BST1: variants seen among roughly 807,000 people sequenced by gnomAD.
The protein encoded by BST1 is ADP-ribosyl cyclase/cyclic ADP-ribose hydrolase 2.
Under a neutral mutation model 40.6 loss-of-function variants are expected in BST1, and 49 were observed. The observed-to-expected ratio is 1.21, with a 90% CI of 0.96 to 1.53. The LOEUF is 1.53. BST1 is among the 40% of genes most tolerant of loss of function. BST1 has a pLI of 0.00. For missense variants in BST1, 423 were observed against 395.9 expected (o/e 1.07, Z -0.58); for synonymous variants, 157 against 159.3 (o/e 0.99, Z 0.11).
chr4:15,741,534 T>C (rs1191403439), downstream of BST1, among the ~76,000 whole-genome samples: 1 of 152,208 alleles, frequency 6.6e-6, no homozygotes, highest in Non-Finnish European at 1.5e-5. Context: ...GGGAAACCTC[T>C]AATTCACAGC....
the BST1 span, among the ~76,000 whole-genome samples, chr4:15,759,700 A>G: frequency 2.3e-5 from 3 of 129,720 alleles, no homozygotes; most frequent in African/African-American, 9.2e-5. Flanking sequence ...TGTTTCTGTA[A>G]CAGGGGGTGT....
chr4:15,752,420 C>G, the BST1 span, among the ~76,000 whole-genome samples: 1 of 150,806 alleles, frequency 6.6e-6, no homozygotes, highest in Non-Finnish European at 1.5e-5. Flanking sequence ...CAGAGTTTCG[C>G]TCTTATTGCC....
In BST1 at chr4:15,718,244, A is replaced by AGTGTGT. The variant is rs35788103; in HGVS notation, c.705-642_705-637dup. Among the ~76,000 whole-genome samples, 826 of 149,042 alleles carry AGTGTGT rather than the reference A, an allele frequency of 5.5e-3. 4 individuals carry two copies. The highest frequency in any genetic ancestry group is 0.036 in the South Asian group (167 of 4,668). On this transcript the variant is annotated intron_variant, in intron 6 of 8. Transcript: ENST00000265016. ...CTGGAGCTAAAAATAATGGCAGAGA[A>AGTGTGT]GTGTGTGTGTGTGTGTGTGTGTGTG...
chr4:15,723,491 G>A (rs181987745), intron 8 of BST1: 5 of 903,414 alleles, frequency 5.5e-6, no homozygotes, highest in South Asian at 5.1e-5. Flanking sequence ...CTTGTGATCC[G>A]CCTTCCTTGG....
chr4:15,706,366 C>T (rs1231493206), intron 2 of BST1, among the ~76,000 whole-genome samples: 2 of 152,190 alleles, frequency 1.3e-5, no homozygotes, highest in African/African-American at 4.8e-5. Flanking sequence ...ATGGCCTGAA[C>T]CTTGAGTAAT....
At chr4:15,725,943 C>T (rs1215953355) in intron 8 of BST1, among the ~76,000 whole-genome samples, 3 of 123,594 alleles carry the variant, frequency 2.4e-5, no homozygotes, top group Admixed American at 9.5e-5. Context: ...TTGTGAAGTG[C>T]GGTCTTTTTT....
chr4:15,711,733 A>G, intron 3 of BST1, 74 bp from the exon 4 acceptor site: 1 of 1,172,990 alleles, frequency 8.5e-7, no homozygotes, highest in South Asian at 1.2e-5. Context: ...TGGAACTGGG[A>G]TATATTGTAA....
the BST1 span, among the ~76,000 whole-genome samples, chr4:15,755,695 T>G: frequency 3.9e-5 from 6 of 152,174 alleles, no homozygotes; most frequent in East Asian, 1.2e-3. Context: ...CTTCAGTCAA[T>G]GTAGAGTGGT....
the BST1 span, among the ~76,000 whole-genome samples, chr4:15,744,084 T>A: frequency 3.9e-5 from 6 of 152,222 alleles, no homozygotes; most frequent in African/African-American, 1.4e-4. Flanking sequence ...CTTCACCTTC[T>A]GGGCCTCTGT....
intron 3 of BST1, among the ~76,000 whole-genome samples, chr4:15,708,267 A>T (rs1006236503): frequency 6.6e-6 from 1 of 152,158 alleles, no homozygotes. Context: ...TCCAAGTCAC[A>T]AGGAAAGTTA....
At chr4:15,736,804 G>A (rs893205371), downstream of BST1, among the ~76,000 whole-genome samples, 2 of 152,056 alleles carry the variant, frequency 1.3e-5, no homozygotes, top group Non-Finnish European at 2.9e-5. Flanking sequence ...AGATCCATTT[G>A]TTTTTATGTC....
chr4:15,763,334 TA>T, the BST1 span, among the ~76,000 whole-genome samples: 9 of 151,814 alleles, frequency 5.9e-5, 1 homozygote, highest in African/African-American at 2.2e-4. Context: ...AATGTGGAGT[TA>T]AAATCTTAGG....
At chr4:15,710,526 G>A (rs891114579) in intron 3 of BST1, among the ~76,000 whole-genome samples, 6 of 152,044 alleles carry the variant, frequency 3.9e-5, no homozygotes, top group Admixed American at 3.9e-4. Flanking sequence ...TACAGCCCCA[G>A]TACTTATTCC....
At chr4:15,737,850 T>C (rs1179319350) in exon 7 of BST1, 15 of 1,277,738 alleles carry the variant, frequency 1.2e-5, no homozygotes, top group Admixed American at 2.3e-5. Flanking sequence ...TGTAAATGCC[T>C]TCCACTCCCA....
Position 15,715,718 on chromosome 4 carries a change from A to G in BST1, c.623A>G (p.Asp208Gly), listed in dbSNP as rs769371522. ...GAAATGTTTCTCAGTTTTTTTGCAG[A>G]TTATGAAATTCCAAACCTCCAGAAG... ...GAYPIKGFFA[D>G]YEIPNLQKEK... is the part of the protein sequence containing the mutation. Residue 208 changes from aspartate (D) to glycine (G), a missense_variant, in exon 6 of 9, where the codon GAT becomes GGT. Coordinates refer to ENST00000265016, the MANE Select transcript of BST1 (RefSeq NM_004334.3). 6.3e-7 allele frequency: 1 copy of G among 1,595,674 alleles called. No individual in the cohort carries two copies. The highest frequency in any genetic ancestry group is 2.2e-5 in the East Asian group (1 of 44,458).
chr4:15,717,167 T>C (rs1284731851), intron 6 of BST1, among the ~76,000 whole-genome samples: 2 of 152,218 alleles, frequency 1.3e-5, no homozygotes, highest in Non-Finnish European at 2.9e-5. Flanking sequence ...AAAGAAATTC[T>C]AAGTAGTGAG....
the BST1 span, among the ~76,000 whole-genome samples, chr4:15,747,176 A>T: frequency 1.3e-5 from 2 of 152,200 alleles, no homozygotes; most frequent in Non-Finnish European, 2.9e-5. Context: ...GGTAGCTGAC[A>T]TCATCAACAT....
chr4:15,755,852 C>G, the BST1 span, among the ~76,000 whole-genome samples: 5 of 152,124 alleles, frequency 3.3e-5, no homozygotes, highest in Non-Finnish European at 7.4e-5. Context: ...ACTCCAATTT[C>G]AAATCAATGA....
chr4:15,748,666 A>T, the BST1 span, among the ~76,000 whole-genome samples: 1 of 152,292 alleles, frequency 6.6e-6, no homozygotes. Context: ...CTCTGGCTGC[A>T]GGGGGTGAGG....
Sources: allele counts gnomAD v4.1 joint callset (sites outside exome capture counted in the v4.1 genomes callset), GRCh38; gene constraint gnomAD v4.1.1; transcripts MANE v1.5; gene names NCBI Gene and HGNC (gene_info 2026-07-23, HGNC 2026-07-21).